Variants in DAB1 observed in about 807,000 individuals in gnomAD.
The protein encoded by DAB1 is disabled homolog 1.
DAB1 carries 15 observed loss-of-function variants against 64.6 expected under a neutral mutation model. The ratio of observed to expected loss-of-function variants is 0.23; its 90% CI spans 0.16 to 0.36. The LOEUF is 0.36. Among genes scored for constraint, DAB1 ranks in the 10% least tolerant of loss-of-function variants. The pLI is 1.00. For missense variants in DAB1, 596 were observed against 706.7 expected (o/e 0.84, Z 1.78); for synonymous variants, 235 against 251.9 (o/e 0.93, Z 0.64).
intron 1 of DAB1, chr1:57,864,296 A>G (rs1378216584): frequency 2.0e-5 from 3 of 152,226 alleles, no homozygotes; most frequent in Admixed American, 1.3e-4. Flanking sequence ...ATAATGGTGT[A>G]GTGATAACAA....
chr1:57,478,586 C>CTTTTTTTTTTTTTTTTTTTTTTTTTTTT (rs35538831), intron 7 of DAB1, among the ~76,000 whole-genome samples: 1 of 81,216 alleles, frequency 1.2e-5, no homozygotes, highest in Non-Finnish European at 2.3e-5. Context: ...TATTCCCATT[C>CTTTTTTTTTTTTTTTTTTTTTTTTTTTT]TTTTTTTTTT....
At position 57,187,559 on chromosome 1, in the gene DAB1, C is replaced by T. The variant is rs182643016; in HGVS notation, c.68-42130G>A. Among the ~76,000 whole-genome samples, 171 of 152,318 alleles carry T rather than the reference C, an allele frequency of 1.1e-3. 1 individual carries two copies. The highest frequency in any genetic ancestry group is 4.4e-3 in the Admixed American group (68 of 15,306). Reference sequence around the variant, plus strand: ...GGGGCAGGTGGCTACTGCTCTGACACTGCACTTCCCTTGGGGCTGACAAAG... The same window carrying T: ...GGGGCAGGTGGCTACTGCTCTGACATTGCACTTCCCTTGGGGCTGACAAAG... On this transcript the variant is annotated intron_variant, in intron 2 of 14. Transcript: ENST00000371236.
intron 3 of DAB1, among the ~76,000 whole-genome samples, chr1:58,502,113 A>T (rs527732597): frequency 4.6e-5 from 7 of 152,388 alleles, no homozygotes; most frequent in Non-Finnish European, 8.8e-5. Flanking sequence ...AAAGTTGATA[A>T]GCTACAGTAA....
chr1:57,238,895 C>CACACACACACACACA (rs1558002698), intron 2 of DAB1, among the ~76,000 whole-genome samples: 29 of 124,776 alleles, frequency 2.3e-4, no homozygotes, highest in African/African-American at 8.1e-4. Context: ...ACACACACAC[C>CACACACACACACACA]CCTAACTTGA....
At chr1:57,691,217 A>G (rs893524724) in intron 6 of DAB1, among the ~76,000 whole-genome samples, 1 of 152,130 alleles carries the variant, frequency 6.6e-6, no homozygotes, top group Non-Finnish European at 1.5e-5. Flanking sequence ...AAAGGCACCA[A>G]CCAGCACTCT....
intron 5 of DAB1, among the ~76,000 whole-genome samples, chr1:57,994,781 TG>T (rs1273893180): frequency 1.3e-5 from 2 of 152,056 alleles, no homozygotes; most frequent in Non-Finnish European, 2.9e-5. Context: ...TCCTTGTGGG[TG>T]GGGACAACTC....
intron 2 of DAB1, among the ~76,000 whole-genome samples, chr1:57,255,596 C>A (rs1669701746): frequency 6.6e-6 from 1 of 152,074 alleles, no homozygotes; most frequent in Admixed American, 6.6e-5. Context: ...GAGGTCAAGG[C>A]TGTAGAGAGC....
chr1:57,489,005 C>A (rs17115864), intron 7 of DAB1, among the ~76,000 whole-genome samples: 2,530 of 152,276 alleles, frequency 0.017, 70 homozygotes, highest in East Asian at 0.14. Context: ...AAGGGCACAT[C>A]GATGGAAGAC....
intron 4 of DAB1, among the ~76,000 whole-genome samples, chr1:58,193,819 G>A (rs1045658247): frequency 5.3e-5 from 8 of 151,620 alleles, no homozygotes; most frequent in African/African-American, 1.9e-4. Flanking sequence ...TCGCACCATT[G>A]CACTCCAGCC....
At chr1:58,420,610 C>A (rs781027462) in intron 3 of DAB1, among the ~76,000 whole-genome samples, 9 of 152,180 alleles carry the variant, frequency 5.9e-5, no homozygotes, top group Non-Finnish European at 1.2e-4. Context: ...GCCTTGTACT[C>A]TTTTATAACC....
At chr1:57,107,584 A>G (rs577513424) in intron 4 of DAB1, among the ~76,000 whole-genome samples, 122 of 152,132 alleles carry the variant, frequency 8.0e-4, no homozygotes, top group African/African-American at 2.7e-3. Context: ...ACAACTGTGG[A>G]AAAAAGCTTG....
chr1:58,172,738 T>C (rs1029272181), intron 4 of DAB1, among the ~76,000 whole-genome samples: 2 of 152,226 alleles, frequency 1.3e-5, no homozygotes, highest in African/African-American at 4.8e-5. Flanking sequence ...TAGTTAGTGA[T>C]GTAACTGTAG....
chr1:58,031,919 A>T (rs1646975789), intron 5 of DAB1, among the ~76,000 whole-genome samples: 1 of 151,544 alleles, frequency 6.6e-6, no homozygotes, highest in Admixed American at 6.6e-5. Context: ...TCATTTCCTA[A>T]GGTTGAAATT....
upstream of DAB1, among the ~76,000 whole-genome samples, chr1:57,428,536 T>C (rs1315015343): frequency 6.6e-6 from 1 of 152,228 alleles, no homozygotes; most frequent in Non-Finnish European, 1.5e-5. Flanking sequence ...TAGACATATA[T>C]ACCACATTTT....
intron 7 of DAB1, among the ~76,000 whole-genome samples, chr1:57,513,721 G>A (rs78973669): frequency 0.07 from 10,653 of 152,118 alleles, 1,169 homozygotes; most frequent in African/African-American, 0.23. Context: ...CTACTCCCTT[G>A]GCGATTTTCA....
At chr1:57,443,712 C>G (rs997795075) in intron 7 of DAB1, among the ~76,000 whole-genome samples, 2 of 152,166 alleles carry the variant, frequency 1.3e-5, no homozygotes, top group Admixed American at 6.5e-5. Context: ...TCCCCTATAG[C>G]CAGTCCTTGG....
intron 1 of DAB1, among the ~76,000 whole-genome samples, chr1:57,309,173 C>T (rs1278987547): frequency 6.6e-6 from 1 of 152,166 alleles, no homozygotes; most frequent in East Asian, 1.9e-4. Flanking sequence ...GGCCTAGAGT[C>T]TTTACTTTGC....
intron 3 of DAB1, among the ~76,000 whole-genome samples, chr1:58,403,636 A>C (rs1245534882): frequency 6.6e-6 from 1 of 152,204 alleles, no homozygotes; most frequent in Non-Finnish European, 1.5e-5. Flanking sequence ...CAATTTCCTC[A>C]TGTGTAAAAT....
chr1:57,154,747 G>A (rs550562122), intron 2 of DAB1, among the ~76,000 whole-genome samples: 71 of 152,324 alleles, frequency 4.7e-4, no homozygotes, highest in African/African-American at 1.6e-3. Context: ...TAACTGGGGC[G>A]AGATGATATC....
Sources: gnomAD v4.1 joint callset for allele counts (sites outside exome capture counted in the v4.1 genomes callset) on GRCh38, gnomAD v4.1.1 for gene constraint, MANE v1.5 for transcripts, NCBI Gene and HGNC (gene_info 2026-07-23, HGNC 2026-07-21) for gene names.